The following RNF152 variants were observed in gnomAD, a reference collection of about 807,000 sequenced individuals.
RNF152 encodes the protein ring finger protein 152, also known as E3 ubiquitin-protein ligase RNF152.
A neutral mutation model predicts 12.7 loss-of-function variants in RNF152; 11 were observed. The observed-to-expected ratio is 0.86, with a 90% CI of 0.54 to 1.43. The LOEUF is 1.43. Ranked by LOEUF, RNF152 falls within the 40% of genes most tolerant of loss-of-function variation. The pLI, the probability that RNF152 is intolerant of heterozygous loss-of-function variation, is 0.00. For synonymous variants in RNF152, 113 were observed against 120.3 expected (o/e 0.94, Z 0.40); for missense variants, 255 against 274.8 (o/e 0.93, Z 0.51).
At chr18:61,893,979 C>A (rs1246180943), upstream of RNF152, among the ~76,000 whole-genome samples, 1 of 151,910 alleles carries the variant, frequency 6.6e-6, no homozygotes, top group African/African-American at 2.4e-5. Flanking sequence ...GGCCCCGCCA[C>A]CCCCTCCGCG....
Position 61,820,051 on chromosome 18 carries a change from C to T in RNF152, c.-135-3453G>A, listed in dbSNP as rs1245280786. Reference sequence around the variant, plus strand: ...AAAAAAAAAAAAAAAAGAATCCGGCCGGGCATGGTGGCTCACGCCTGTAAT... The same window carrying T: ...AAAAAAAAAAAAAAAAGAATCCGGCTGGGCATGGTGGCTCACGCCTGTAAT... On this transcript the variant is annotated intron_variant, in intron 1 of 1. Coordinates refer to ENST00000312828, the MANE Select transcript of RNF152 (RefSeq NM_173557.3). Among the ~76,000 whole-genome samples the T allele has an allele frequency of 2.8e-5, 4 of 144,198 alleles. No individual in the cohort carries two copies. The South Asian group carries it at 8.8e-4, about 32-fold the overall frequency. 94.6% of individuals were successfully genotyped at this position (144,198 alleles called of 152,430 possible). A position where few individuals can be genotyped will look rare whatever the true frequency, so the allele number is the denominator to read the frequency against.
intron 1 of RNF152, among the ~76,000 whole-genome samples, chr18:61,879,353 C>A (rs543932056): frequency 2.6e-5 from 4 of 151,934 alleles, no homozygotes; most frequent in East Asian, 1.9e-4. Flanking sequence ...AAAGTATACA[C>A]GAGGAAGTGC....
In RNF152 at chr18:61,808,512, ATTTG is replaced by A. The variant is rs1260501763; in HGVS notation, c.*7336_*7339del. 2.6e-5 allele frequency: 4 copies of A among 151,640 alleles called. No individual in the cohort carries two copies. Among genetic ancestry groups the A allele is most frequent in the Non-Finnish European group, 5.9e-5 (4 of 67,948 alleles). 9.4% of individuals were successfully genotyped at this position (151,640 alleles called of 1,614,324 possible). A position where few individuals can be genotyped will look rare whatever the true frequency, so the allele number is the denominator to read the frequency against. ...ATTAATATAGCCATTAGACTGGAGTATTTGTTATCAAGAGGGCCAGAGAACCCAC... is the reference window on the plus strand; with the variant it reads ...ATTAATATAGCCATTAGACTGGAGTATTATCAAGAGGGCCAGAGAACCCAC... On this transcript the variant is annotated 3_prime_UTR_variant, in exon 2 of 2. Transcript: ENST00000312828.
chr18:61,833,727 C>T (rs1018379788), intron 1 of RNF152, among the ~76,000 whole-genome samples: 1 of 152,150 alleles, frequency 6.6e-6, no homozygotes, highest in African/African-American at 2.4e-5. Context: ...ATCCCTGAAG[C>T]TGGATTATAA....
At chr18:61,886,154 T>C (rs1445515772) in intron 1 of RNF152, among the ~76,000 whole-genome samples, 1 of 152,150 alleles carries the variant, frequency 6.6e-6, no homozygotes, top group East Asian at 1.9e-4. Flanking sequence ...TCTAATTTGA[T>C]TCAACATTTA....
At chr18:61,854,512 T>G (rs1281350195) in intron 1 of RNF152, among the ~76,000 whole-genome samples, 1 of 152,210 alleles carries the variant, frequency 6.6e-6, no homozygotes, top group Non-Finnish European at 1.5e-5. Flanking sequence ...TCTCAATGAT[T>G]TTCCATAGTT....
intron 1 of RNF152, among the ~76,000 whole-genome samples, chr18:61,844,041 A>AC: frequency 6.9e-6 from 1 of 145,928 alleles, no homozygotes; most frequent in Non-Finnish European, 1.5e-5. Context: ...AGAGAGAAAG[A>AC]AAAAGAAAAA....
At chr18:61,817,723 T>C (rs1162314288) in intron 1 of RNF152, among the ~76,000 whole-genome samples, 1 of 147,704 alleles carries the variant, frequency 6.8e-6, no homozygotes, top group Non-Finnish European at 1.5e-5. Flanking sequence ...CAGGGAAGTC[T>C]GGCAAGCATT....
At chr18:61,836,189 G>A (rs749279131) in intron 1 of RNF152, among the ~76,000 whole-genome samples, 21 of 152,138 alleles carry the variant, frequency 1.4e-4, no homozygotes, top group Non-Finnish European at 2.9e-4. Context: ...TCTGGGGCAG[G>A]GAAAATACAA....
intron 1 of RNF152, among the ~76,000 whole-genome samples, chr18:61,852,859 A>C (rs1911050111): frequency 6.6e-6 from 1 of 152,174 alleles, no homozygotes; most frequent in African/African-American, 2.4e-5. Flanking sequence ...GGCCACGAAT[A>C]ATTTCACAAT....
chr18:61,866,876 T>C (rs1911756595), intron 1 of RNF152, among the ~76,000 whole-genome samples: 1 of 151,810 alleles, frequency 6.6e-6, no homozygotes, highest in African/African-American at 2.4e-5. Context: ...AAATCATCAG[T>C]GAAACTTTAA....
intron 1 of RNF152, among the ~76,000 whole-genome samples, chr18:61,855,253 G>T (rs1234898452): frequency 6.6e-6 from 1 of 152,250 alleles, no homozygotes; most frequent in Non-Finnish European, 1.5e-5. Context: ...CATTGTAAGA[G>T]AATTCTGGTT....
At chr18:61,871,481 G>A (rs1911993826) in intron 1 of RNF152, among the ~76,000 whole-genome samples, 1 of 152,112 alleles carries the variant, frequency 6.6e-6, no homozygotes, top group Non-Finnish European at 1.5e-5. Context: ...AACACAGAGG[G>A]TCAGCAAGGA....
chr18:61,831,020 G>A (rs1183100609), intron 1 of RNF152, among the ~76,000 whole-genome samples: 1 of 152,122 alleles, frequency 6.6e-6, no homozygotes, highest in Non-Finnish European at 1.5e-5. Flanking sequence ...TCTATTATTA[G>A]ACAATAAAGA....
Position 61,831,623 on chromosome 18 carries a change from A to T in RNF152, c.-135-15025T>A, listed in dbSNP as rs542742550. ...GTATTTAAGATGTAAGATAAAAAAA[A>T]TAAGCAATTTAGAACACAATGCTCA... is the stretch of plus-strand genomic sequence containing the variant. On this transcript the variant is annotated intron_variant, in intron 1 of 1. Coordinates refer to ENST00000312828, the MANE Select transcript of RNF152 (RefSeq NM_173557.3). 8.5e-5 allele frequency among the ~76,000 whole-genome samples: 13 copies of T among 152,340 alleles called. No individual in the cohort carries two copies. In the East Asian group the frequency reaches 1.7e-3, roughly 20 times the overall value.
intron 1 of RNF152, among the ~76,000 whole-genome samples, chr18:61,891,435 TA>T (rs11290555): frequency 0.52 from 79,182 of 151,056 alleles, 20,729 homozygotes; most frequent in East Asian, 0.75. Flanking sequence ...TTCTTTCTAT[TA>T]AAAAAAAAAC....
chr18:61,852,132 C>T (rs1911013354), intron 1 of RNF152, among the ~76,000 whole-genome samples: 1 of 152,156 alleles, frequency 6.6e-6, no homozygotes, highest in Admixed American at 6.5e-5. Context: ...TTTCAAAAAC[C>T]GTGGCTTCTG....
intron 1 of RNF152, among the ~76,000 whole-genome samples, chr18:61,829,407 C>T (rs1172383024): frequency 6.6e-6 from 1 of 151,948 alleles, no homozygotes; most frequent in Non-Finnish European, 1.5e-5. Flanking sequence ...AGGACCAGAG[C>T]GGCTGTCCCT....
In RNF152 at chr18:61,815,927, C is replaced by T. The variant is rs1379584653; in HGVS notation, c.537G>A (p.Leu179=). Residue 179 remains leucine (L), a synonymous_variant, in exon 2 of 2, where the codon TTG becomes TTA. Transcript: ENST00000312828. The part of the protein sequence containing the change: ...VCTVILVACV[L]VFLLGIVLHN... Reference sequence around the variant, plus strand: ...GAAGCACGATGCCGAGGAGGAAGACCAAGACGCAAGCCACCAAGATGACAG... The same window carrying T: ...GAAGCACGATGCCGAGGAGGAAGACTAAGACGCAAGCCACCAAGATGACAG... 3 of 1,614,216 alleles carry T rather than the reference C, an allele frequency of 1.9e-6. No homozygotes were observed. The highest frequency in any genetic ancestry group is 1.1e-5 in the South Asian group (1 of 91,078).
Sources: gnomAD v4.1 joint callset for allele counts (sites outside exome capture counted in the v4.1 genomes callset) on GRCh38, gnomAD v4.1.1 for gene constraint, MANE v1.5 for transcripts, NCBI Gene and HGNC (gene_info 2026-07-23, HGNC 2026-07-21) for gene names.